Variants in CCDC158 observed in about 807,000 individuals in gnomAD.
CCDC158 encodes the protein coiled-coil domain containing 158.
A neutral mutation model predicts 138.6 loss-of-function variants in CCDC158; 116 were observed. That is an observed-to-expected ratio of 0.84 (90% confidence interval 0.72 to 0.98). CCDC158 has a LOEUF of 0.98. Among genes scored for constraint, CCDC158 ranks in the 50% least tolerant of loss-of-function variants. CCDC158 has a pLI of 0.00. For missense variants in CCDC158, 1,265 were observed against 1,306.1 expected (o/e 0.97, Z 0.48); for synonymous variants, 436 against 442.4 (o/e 0.99, Z 0.18).
intron 8 of CCDC158, 129 bp downstream of exon 8, chr4:76,382,481 T>C (rs993398442): frequency 1.6e-6 from 1 of 619,726 alleles, no homozygotes; most frequent in African/African-American, 1.8e-5. Flanking sequence ...TTCATTTAAA[T>C]GTTAGAAAAA....
chr4:76,321,001 C>T (rs1719941703), intron 24 of CCDC158, among the ~76,000 whole-genome samples: 1 of 152,084 alleles, frequency 6.6e-6, no homozygotes. Flanking sequence ...AAAATATTTG[C>T]AAACTGTGCA....
intron 24 of CCDC158, among the ~76,000 whole-genome samples, chr4:76,318,460 GA>G (rs941503903): frequency 6.6e-6 from 1 of 151,094 alleles, no homozygotes; most frequent in South Asian, 2.1e-4. Flanking sequence ...ATTAAGCTAG[GA>G]AAAAAAACAG....
At chr4:76,374,176 C>T (rs1440329814) in intron 9 of CCDC158, among the ~76,000 whole-genome samples, 1 of 152,042 alleles carries the variant, frequency 6.6e-6, no homozygotes, top group Non-Finnish European at 1.5e-5. Context: ...AAAAGTACTT[C>T]TTGTGCTCCT....
chr4:76,393,745 A>G (rs543537823), intron 4 of CCDC158, among the ~76,000 whole-genome samples: 6 of 152,278 alleles, frequency 3.9e-5, no homozygotes, highest in African/African-American at 1.4e-4. Flanking sequence ...CAAGGGATTA[A>G]TTACCAGAAT....
Position 76,328,923 on chromosome 4 carries a change from C to A in CCDC158, c.2987G>T (p.Gly996Val). 6.2e-7 allele frequency: 1 copy of A among 1,613,942 alleles called. No homozygotes were observed. Residue 996 changes from glycine to valine, a missense_variant, in exon 22 of 25, where the codon GGT becomes GTT. Physicochemically the swap from Gly to Val is moderately radical, Grantham distance 109. Coordinates refer to ENST00000682701, the MANE Select transcript of CCDC158 (RefSeq NM_001394954.1). ...LHAGDREDPS[G>V]CFTFTSAASP... ...ACCTGCAGATGTGAATGTGAAGCAA[C>A]CAGAGGGATCTTCCCTGTCTCCTGC...
chr4:76,389,988 G>C (rs1560463604), intron 4 of CCDC158, among the ~76,000 whole-genome samples: 1 of 152,146 alleles, frequency 6.6e-6, no homozygotes, highest in Non-Finnish European at 1.5e-5. Flanking sequence ...CATTCTGAAA[G>C]AGAAGGATAT....
intron 4 of CCDC158, among the ~76,000 whole-genome samples, chr4:76,387,684 G>T (rs958772958): frequency 6.6e-6 from 1 of 151,936 alleles, no homozygotes; most frequent in African/African-American, 2.4e-5. Context: ...TTAGCCGGGC[G>T]TGGTGGTGCG....
rs771204784 is a variant in CCDC158, at chr4:76,371,554, A to G, written c.1030-18T>C. 20 of 1,613,558 alleles carry G rather than the reference A, an allele frequency of 1.2e-5. No individual in the cohort carries two copies. The Admixed American group carries it at 3.3e-4, about 27-fold the overall frequency. On this transcript the variant is annotated intron_variant, in intron 9 of 24. Coordinates refer to ENST00000682701, the MANE Select transcript of CCDC158 (RefSeq NM_001394954.1). ...TCTTCTGTCTGAAAGGAAAGTACAAATTGAACAGTGTCTGATTATGACAGT... is the reference window on the plus strand; with the variant it reads ...TCTTCTGTCTGAAAGGAAAGTACAAGTTGAACAGTGTCTGATTATGACAGT...
chr4:76,316,132 T>C (rs1369367106), intron 24 of CCDC158, among the ~76,000 whole-genome samples: 1 of 152,108 alleles, frequency 6.6e-6, no homozygotes, highest in Non-Finnish European at 1.5e-5. Flanking sequence ...AATTGCCAGA[T>C]GAAGAATTCA....
chr4:76,337,741 A>C (rs980686877), intron 18 of CCDC158, among the ~76,000 whole-genome samples: 6 of 152,154 alleles, frequency 3.9e-5, no homozygotes, highest in Non-Finnish European at 5.9e-5. Flanking sequence ...TCAAGAAAAA[A>C]AAAAAAGAAG....
chr4:76,384,487 C>T, intron 5 of CCDC158, 69 bp downstream of exon 5: 2 of 1,540,840 alleles, frequency 1.3e-6, no homozygotes, highest in Non-Finnish European at 1.8e-6. Context: ...TTACTACAAA[C>T]AGTAAAACTT....
At chr4:76,328,856 G>A (rs772702658) in intron 22 of CCDC158, 44 bp downstream of exon 22, 14 of 1,506,204 alleles carry the variant, frequency 9.3e-6, no homozygotes, top group South Asian at 4.5e-5. Context: ...TGGAAATGGG[G>A]AGACATTGTA....
intron 19 of CCDC158, among the ~76,000 whole-genome samples, chr4:76,333,659 G>C (rs1001394903): frequency 2.6e-5 from 4 of 152,158 alleles, no homozygotes; most frequent in Admixed American, 2.0e-4. Flanking sequence ...GACCTTTTGA[G>C]ATGTGTTTTT....
At chr4:76,351,645 G>A in intron 17 of CCDC158, 75 bp downstream of exon 17, 2 of 837,956 alleles carry the variant, frequency 2.4e-6, no homozygotes, top group Non-Finnish European at 4.0e-6. Context: ...TGTATCTAAG[G>A]TACACAAGAA....
intron 4 of CCDC158, among the ~76,000 whole-genome samples, chr4:76,394,061 A>T (rs1727557190): frequency 1.3e-5 from 2 of 152,112 alleles, no homozygotes; most frequent in Non-Finnish European, 2.9e-5. Flanking sequence ...CACTATAAAG[A>T]ACAGTTTGGA....
At chr4:76,347,852 C>T (rs1450269017) in intron 18 of CCDC158, among the ~76,000 whole-genome samples, 2 of 152,004 alleles carry the variant, frequency 1.3e-5, no homozygotes, top group East Asian at 1.9e-4. Context: ...GGGAAAAAAT[C>T]GACACAGGCT....
In CCDC158 at chr4:76,313,464, T is replaced by C. The variant is rs758785634; in HGVS notation, c.3278-218A>G. ...TGTTTCAGGTGTTTTATTTACTTATTTATTTTGTAGAGACAGGGTCTCTCT... is the reference window on the plus strand; with the variant it reads ...TGTTTCAGGTGTTTTATTTACTTATCTATTTTGTAGAGACAGGGTCTCTCT... On this transcript the variant is annotated intron_variant, in intron 24 of 24. Transcript: ENST00000682701. 3.2e-4 allele frequency among the ~76,000 whole-genome samples: 49 copies of C among 151,864 alleles called. 1 individual carries two copies. The highest frequency in any genetic ancestry group is 3.1e-3 in the Admixed American group (47 of 15,262).
chr4:76,357,293 C>T (rs906326574), intron 14 of CCDC158, 81 bp downstream of exon 14: 11 of 913,676 alleles, frequency 1.2e-5, no homozygotes, highest in South Asian at 7.1e-5. Flanking sequence ...TGGTAGGTAA[C>T]GTATTTGAGT....
At chr4:76,355,303 A>G in intron 15 of CCDC158, 21 bp downstream of exon 15, 2 of 1,504,064 alleles carry the variant, frequency 1.3e-6, no homozygotes, top group East Asian at 4.5e-5. Flanking sequence ...TGGTTTCCCC[A>G]CTCTGAGGAC....
Sources: allele counts gnomAD v4.1 joint callset (sites outside exome capture counted in the v4.1 genomes callset), GRCh38; gene constraint gnomAD v4.1.1; transcripts MANE v1.5; gene names NCBI Gene and HGNC (gene_info 2026-07-23, HGNC 2026-07-21).